The following AGBL1 variants were observed in gnomAD, a reference collection of about 807,000 sequenced individuals.
The protein encoded by AGBL1 is cytosolic carboxypeptidase 4.
Under a neutral mutation model 118.9 loss-of-function variants are expected in AGBL1, and 130 were observed. The ratio of observed to expected loss-of-function variants is 1.09; its 90% CI spans 0.95 to 1.26. The LOEUF (loss-of-function observed/expected upper bound fraction) is 1.26, where lower values mean the gene tolerates loss of function less well. Ranked by LOEUF, AGBL1 falls within the 50% of genes most tolerant of loss-of-function variation. The pLI is 0.00. For synonymous variants in AGBL1, 555 were observed against 478.9 expected (o/e 1.16, Z -2.08); for missense variants, 1,584 against 1,298.1 (o/e 1.22, Z -3.38).
intron 21 of AGBL1, among the ~76,000 whole-genome samples, chr15:86,645,458 C>T (rs1000133974): frequency 2.6e-5 from 4 of 152,102 alleles, no homozygotes; most frequent in African/African-American, 9.7e-5. Context: ...AATAACTGAG[C>T]AGTAGATTTT....
chr15:86,865,816 C>G (rs1231288397), intron 22 of AGBL1, among the ~76,000 whole-genome samples: 2 of 152,206 alleles, frequency 1.3e-5, no homozygotes, highest in African/African-American at 4.8e-5. Context: ...GATCCTAGCT[C>G]TCCCTCTTCC....
chr15:86,927,210 A>G (rs1485168729), intron 23 of AGBL1, among the ~76,000 whole-genome samples: 2 of 152,162 alleles, frequency 1.3e-5, no homozygotes, highest in Non-Finnish European at 2.9e-5. Context: ...AATCCTGCTT[A>G]GTATAATTGT....
intron 23 of AGBL1, among the ~76,000 whole-genome samples, chr15:86,978,486 G>C (rs2081196951): frequency 6.6e-6 from 1 of 152,176 alleles, no homozygotes; most frequent in Non-Finnish European, 1.5e-5. Context: ...CAAAGCTGGG[G>C]GTTTAAGTAC....
intron 17 of AGBL1, among the ~76,000 whole-genome samples, chr15:86,350,962 C>A (rs2080616122): frequency 6.6e-6 from 1 of 152,136 alleles, no homozygotes; most frequent in Non-Finnish European, 1.5e-5. Context: ...TTAAGTGATA[C>A]CCAAGAGAAT....
At chr15:86,207,663 G>T (rs2078016906) in intron 5 of AGBL1, among the ~76,000 whole-genome samples, 1 of 152,126 alleles carries the variant, frequency 6.6e-6, no homozygotes. Context: ...CATCGATTTT[G>T]TTTCCTGAGA....
In AGBL1 at chr15:86,427,478, AT is replaced by A. The variant is rs201957474; in HGVS notation, c.2555+29941del. ...CATTCAGTGTCTTTTATGCTATTTTATTTTTTTTTCAGTCTGTTTGAAGCAT... is the reference window on the plus strand; with the variant it reads ...CATTCAGTGTCTTTTATGCTATTTTATTTTTTTTCAGTCTGTTTGAAGCAT... On this transcript the variant is annotated intron_variant, in intron 18 of 22. Transcript: ENST00000614907. Among the ~76,000 whole-genome samples, 235 of 147,344 alleles carry A rather than the reference AT, an allele frequency of 1.6e-3. 1 individual carries two copies. The highest frequency in any genetic ancestry group is 5.4e-3 in the African/African-American group (215 of 39,998).
intron 22 of AGBL1, among the ~76,000 whole-genome samples, chr15:86,740,723 A>G (rs1300133895): frequency 2.0e-5 from 3 of 152,174 alleles, no homozygotes; most frequent in African/African-American, 4.8e-5. Context: ...ATCAAGAAAA[A>G]GAAGGTGTTC....
intron 9 of AGBL1, among the ~76,000 whole-genome samples, chr15:86,262,187 A>T (rs1231529517): frequency 6.8e-6 from 1 of 147,706 alleles, no homozygotes; most frequent in Non-Finnish European, 1.5e-5. Flanking sequence ...TCTTAGTAAC[A>T]TCATTCTCTT....
rs543516111 is a variant in AGBL1 at position 86,954,460 on chromosome 15, CTG to C, written c.3222-33524_3222-33523del. Among the ~76,000 whole-genome samples, 150 of 152,302 alleles carry C rather than the reference CTG, an allele frequency of 9.8e-4. 2 individuals carry two copies. The highest frequency in any genetic ancestry group is 1.6e-3 in the Non-Finnish European group (111 of 68,024). ...TATGATACATATACACCATGGAACACTGTGCAGCTATAGAAAGATTGAAATCA... is the reference window on the plus strand; with the variant it reads ...TATGATACATATACACCATGGAACACTGCAGCTATAGAAAGATTGAAATCA... On this transcript the variant is annotated intron_variant, in intron 23 of 24. Transcript: ENST00000441037.
In AGBL1 at chr15:86,224,898, C is replaced by G; in HGVS notation, c.489-16C>G. 6.2e-7 allele frequency: 1 copy of G among 1,613,004 alleles called. No individual in the cohort carries two copies. Among genetic ancestry groups the G allele is most frequent in the Non-Finnish European group, 8.5e-7 (1 of 1,179,322 alleles). Reference sequence around the variant, plus strand: ...CCATTGAATGTTGACTGTTACTTTTCTTTCTCTTTCCCCAGGGCAGCCACT... The same window carrying G: ...CCATTGAATGTTGACTGTTACTTTTGTTTCTCTTTCCCCAGGGCAGCCACT... On this transcript the variant is annotated splice_polypyrimidine_tract_variant and intron_variant, in intron 5 of 22. Coordinates refer to ENST00000614907, the MANE Select transcript of AGBL1 (RefSeq NM_001386094.1).
At position 86,184,437 on chromosome 15, in the gene AGBL1, T is replaced by C. The variant is rs186777198; in HGVS notation, c.488+25411T>C. ...TTCCTTATTTCTTTTTTCTTTCTTT[T>C]TTTTTTTTTTTGTCTCAAGAGGGCA... is the stretch of plus-strand genomic sequence containing the variant. On this transcript the variant is annotated intron_variant, in intron 5 of 22. Transcript: ENST00000614907. Among the ~76,000 whole-genome samples the C allele has an allele frequency of 3.9e-4, 58 of 149,586 alleles. No individual in the cohort carries two copies. In the East Asian group the frequency reaches 4.3e-3, roughly 11 times the overall value.
intron 22 of AGBL1, among the ~76,000 whole-genome samples, chr15:86,728,097 C>A (rs2086847063): frequency 1.3e-5 from 2 of 152,160 alleles, no homozygotes; most frequent in South Asian, 4.1e-4. Flanking sequence ...GGTTCCCTCT[C>A]CTTTCTTGGA....
At chr15:86,835,245 T>G (rs1405857927) in intron 22 of AGBL1, among the ~76,000 whole-genome samples, 1 of 152,048 alleles carries the variant, frequency 6.6e-6, no homozygotes, top group Non-Finnish European at 1.5e-5. Context: ...ATCTAGGTCT[T>G]TCACACCTAG....
intron 18 of AGBL1, among the ~76,000 whole-genome samples, chr15:86,500,993 T>G (rs969566964): frequency 2.0e-5 from 3 of 151,746 alleles, no homozygotes; most frequent in African/African-American, 7.2e-5. Flanking sequence ...CATATATTTT[T>G]AGTTCTCTTG....
chr15:86,761,764 T>C (rs2078027333), intron 22 of AGBL1, among the ~76,000 whole-genome samples: 1 of 152,126 alleles, frequency 6.6e-6, no homozygotes, highest in Admixed American at 6.6e-5. Flanking sequence ...GCAATATTTC[T>C]CTCCCATTCT....
chr15:86,174,189 G>A lies in AGBL1; in HGVS notation c.488+15163G>A, dbSNP rs562659331. On this transcript the variant is annotated intron_variant, in intron 5 of 22. Transcript: ENST00000614907. ...ACCTATTGGTTAAATTTATTTCTAG[G>A]CATTTTGTTATTTTTTGTAGCTATT... 1.6e-4 allele frequency among the ~76,000 whole-genome samples: 24 copies of A among 151,858 alleles called. No homozygotes were observed. The South Asian group carries it at 4.8e-3, about 30-fold the overall frequency.
At chr15:86,705,380 C>G (rs935866622) in intron 22 of AGBL1, among the ~76,000 whole-genome samples, 6 of 152,078 alleles carry the variant, frequency 3.9e-5, no homozygotes, top group Admixed American at 2.6e-4. Context: ...TAAGAATGGA[C>G]TAAAACATAT....
chr15:86,833,148 A>C (rs1320362886), intron 22 of AGBL1, among the ~76,000 whole-genome samples: 3 of 152,106 alleles, frequency 2.0e-5, no homozygotes, highest in African/African-American at 4.8e-5. Context: ...CTCATGACTC[A>C]TGGGCATTAT....
intron 22 of AGBL1, among the ~76,000 whole-genome samples, chr15:86,878,386 G>T (rs1236022434): frequency 6.6e-6 from 1 of 152,136 alleles, no homozygotes; most frequent in Non-Finnish European, 1.5e-5. Flanking sequence ...ACAAAAACAG[G>T]CAGTGGGCCA....
Sources: gnomAD v4.1 joint callset for allele counts (sites outside exome capture counted in the v4.1 genomes callset) on GRCh38, gnomAD v4.1.1 for gene constraint, MANE v1.5 for transcripts, NCBI Gene and HGNC (gene_info 2026-07-23, HGNC 2026-07-21) for gene names.